SHLD2: variants seen among roughly 807,000 people sequenced by gnomAD.
The protein encoded by SHLD2 is shieldin complex subunit 2, also known as RINN1-REV7-interacting novel NHEJ regulator 2.
SHLD2 carries 30 observed loss-of-function variants against 73.2 expected under a neutral mutation model. The ratio of observed to expected loss-of-function variants is 0.41; its 90% confidence interval spans 0.31 to 0.56. SHLD2 has a LOEUF of 0.56. Ranked by LOEUF, SHLD2 falls within the 20% of genes least tolerant of loss-of-function variation. The pLI, the probability that SHLD2 is intolerant of heterozygous loss-of-function variation, is 0.28. For synonymous variants in SHLD2, 285 were observed against 370.1 expected, an observed-to-expected ratio of 0.77 and a Z score of 2.64; for missense variants, 745 against 1,055.9, an observed-to-expected ratio of 0.71 and a Z score of 4.08.
intron 3 of SHLD2, among the ~76,000 whole-genome samples, chr10:87,156,425 G>A (rs1449279032): frequency 1.3e-5 from 2 of 152,122 alleles, no homozygotes; most frequent in East Asian, 3.8e-4. Flanking sequence ...CAACACAGCA[G>A]ACAGTTTGCT....
At chr10:87,128,074 T>C (rs983635643) in intron 2 of SHLD2, among the ~76,000 whole-genome samples, 3 of 152,166 alleles carry the variant, frequency 2.0e-5, no homozygotes, top group Admixed American at 6.5e-5. Context: ...TAATTTTTTT[T>C]CCCCTCAAAT....
At chr10:87,109,801 T>C (rs1226144758) in intron 2 of SHLD2, among the ~76,000 whole-genome samples, 1 of 152,200 alleles carries the variant, frequency 6.6e-6, no homozygotes, top group African/African-American at 2.4e-5. Flanking sequence ...CCATGAAAGT[T>C]TTCTTGATTT....
chr10:87,178,158 C>T (rs994714189), intron 7 of SHLD2, among the ~76,000 whole-genome samples: 5 of 139,650 alleles, frequency 3.6e-5, no homozygotes, highest in South Asian at 2.2e-4. Context: ...ATTGCTTGAA[C>T]GCAGGAGGCA....
rs912024454 is a variant in SHLD2, at chr10:87,127,531, C to G, written c.-5-23819C>G. Among the ~76,000 whole-genome samples, 5 of 62,906 alleles carry G rather than the reference C, an allele frequency of 7.9e-5. No homozygotes were observed. The East Asian group carries it at 5.1e-3, about 65-fold the overall frequency. The allele number at this position is 62,906 out of a possible 152,430, so 41.3% of individuals were successfully genotyped here. A position where few individuals can be genotyped will look rare whatever the true frequency, so the allele number is the denominator to read the frequency against. On this transcript the variant is annotated intron_variant, in intron 2 of 9. Transcript: ENST00000298786. Reference sequence around the variant, plus strand: ...AATGTTTTTTGTCCCTCTTACCCGCCCCCCCCCACCCCGTCTGCCACCCCC... The same window carrying G: ...AATGTTTTTTGTCCCTCTTACCCGCGCCCCCCCACCCCGTCTGCCACCCCC...
chr10:87,127,037 G>C (rs1455180004), intron 2 of SHLD2, among the ~76,000 whole-genome samples: 2 of 152,064 alleles, frequency 1.3e-5, no homozygotes, highest in Non-Finnish European at 2.9e-5. Context: ...AAAATAAGTG[G>C]TTGAAAGTCA....
intron 4 of SHLD2, among the ~76,000 whole-genome samples, chr10:87,161,312 C>T (rs3129478): frequency 6.6e-6 from 1 of 151,888 alleles, no homozygotes; most frequent in African/African-American, 2.4e-5. Flanking sequence ...GTGGTGGCAC[C>T]CACCTGTGGT....
intron 2 of SHLD2, among the ~76,000 whole-genome samples, chr10:87,116,484 A>AG (rs1170244266): frequency 4.6e-5 from 7 of 151,904 alleles, no homozygotes; most frequent in Non-Finnish European, 1.0e-4. Flanking sequence ...TTTCCACTGA[A>AG]GTAGGAATAA....
chr10:87,178,184 C>T (rs1345445317), intron 7 of SHLD2, among the ~76,000 whole-genome samples: 2 of 132,322 alleles, frequency 1.5e-5, no homozygotes, highest in Non-Finnish European at 3.1e-5. Flanking sequence ...TGCAGTGAGC[C>T]GAGATTGCAC....
In SHLD2 at chr10:87,151,740, T is replaced by G; in HGVS notation, c.386T>G (p.Val129Gly). 1 of 1,611,966 alleles carries G rather than the reference T, an allele frequency of 6.2e-7. No homozygotes were observed. Among genetic ancestry groups the G allele is most frequent in the Non-Finnish European group, 8.5e-7 (1 of 1,179,842 alleles). Reference protein sequence around the residue: ...NMQICGFKSTVPHFTEEEKYQ... With the variant: ...NMQICGFKSTGPHFTEEEKYQ... ...CAAATATGTGGATTTAAAAGCACAG[T>G]TCCGCATTTCACCGAAGAAGAAAAG... The change falls in exon 3 of 10, where the codon GTT (valine) becomes GGT (glycine). Residue 129 changes from valine (V) to glycine (G), a missense_variant. Physicochemically the swap from Val to Gly is moderately radical, Grantham distance 109 (BLOSUM62 -3). This residue lies in a region of SHLD2 where 280 missense variants were observed against 353.9 expected (regional missense o/e 0.79). Coordinates refer to ENST00000298786, the MANE Select transcript of SHLD2 (RefSeq NM_001330112.2).
intron 2 of SHLD2, among the ~76,000 whole-genome samples, chr10:87,109,954 A>G (rs765879965): frequency 1.3e-5 from 2 of 152,196 alleles, no homozygotes; most frequent in Non-Finnish European, 2.9e-5. Flanking sequence ...ATGTTACTAC[A>G]TTTTACAAAG....
chr10:87,107,994 G>A (rs926492582), intron 2 of SHLD2, among the ~76,000 whole-genome samples: 1 of 151,846 alleles, frequency 6.6e-6, no homozygotes. Flanking sequence ...AGCAGTTCTC[G>A]TGCCTCAGCC....
intron 2 of SHLD2, among the ~76,000 whole-genome samples, chr10:87,146,693 A>T (rs1374496891): frequency 6.6e-6 from 1 of 151,896 alleles, no homozygotes; most frequent in African/African-American, 2.4e-5. Context: ...TGGCCCAGGG[A>T]AGCCAAAAGA....
rs898297395 is a variant in SHLD2, at chr10:87,151,681, C to T, written c.327C>T (p.Ser109=). 5 of 1,611,064 alleles carry T rather than the reference C, an allele frequency of 3.1e-6. No homozygotes were observed. The highest frequency in any genetic ancestry group is 2.2e-5 in the East Asian group (1 of 44,864). Residue 109 remains serine (S), a synonymous_variant, in exon 3 of 10, where the codon TCC becomes TCT. Transcript: ENST00000298786. ...ATATAGAATCCCAGAAGATTCACTCCTCTAGACTGAGTGATATAACTAGCT... is the reference window on the plus strand; with the variant it reads ...ATATAGAATCCCAGAAGATTCACTCTTCTAGACTGAGTGATATAACTAGCT... The part of the protein sequence containing the change: ...TQNIESQKIH[S]SRLSDITSSN...
chr10:87,162,308 C>G (rs1364388529), intron 4 of SHLD2, among the ~76,000 whole-genome samples: 1 of 152,128 alleles, frequency 6.6e-6, no homozygotes, highest in Non-Finnish European at 1.5e-5. Flanking sequence ...ACACTATAAA[C>G]AAAGTCAAAA....
chr10:87,155,713 A>G (rs971869521), intron 3 of SHLD2, among the ~76,000 whole-genome samples: 6 of 151,780 alleles, frequency 4.0e-5, no homozygotes, highest in Non-Finnish European at 8.8e-5. Flanking sequence ...GTAGGTGTAA[A>G]CTCAACTCTG....
At chr10:87,094,560 C>T, upstream of SHLD2, 1 of 1,612,182 alleles carries the variant, frequency 6.2e-7, no homozygotes, top group Non-Finnish European at 8.5e-7. The surrounding 1 kb of genome is among the most constrained non-coding windows in gnomAD (Gnocchi z 6.6). Context: ...AGAAGCCCTC[C>T]ACCATCTTGA....
chr10:87,118,081 G>A (rs4083504), intron 2 of SHLD2, among the ~76,000 whole-genome samples: 1 of 152,100 alleles, frequency 6.6e-6, no homozygotes, highest in African/African-American at 2.4e-5. Context: ...AGGCTCCCAC[G>A]TGCATTATTG....
intron 2 of SHLD2, among the ~76,000 whole-genome samples, chr10:87,108,093 A>T (rs1842712843): frequency 6.6e-6 from 1 of 151,938 alleles, no homozygotes; most frequent in Non-Finnish European, 1.5e-5. Flanking sequence ...CGCTCTTGTT[A>T]TCCAGGAGTG....
intron 4 of SHLD2, among the ~76,000 whole-genome samples, chr10:87,162,256 T>C (rs1340812429): frequency 6.6e-6 from 1 of 151,806 alleles, no homozygotes; most frequent in East Asian, 1.9e-4. Flanking sequence ...GAAGATAAAC[T>C]GATACATTTT....
Sources: gnomAD v4.1 joint callset for allele counts (sites outside exome capture counted in the v4.1 genomes callset) on GRCh38, gnomAD v4.1.1 for gene constraint, gnomAD v4.1.1 regional missense constraint, Gnocchi (gnomAD v3.1) non-coding constraint, MANE v1.5 for transcripts, NCBI Gene and HGNC (gene_info 2026-07-23, HGNC 2026-07-21) for gene names.